The following SRSF3 variants were observed in gnomAD, a reference collection of about 807,000 sequenced individuals.
The protein encoded by SRSF3 is serine/arginine-rich splicing factor 3.
For synonymous variants in SRSF3, 87 were observed against 73.6 expected (o/e 1.18, Z -0.93); for missense variants, 58 against 217.1 (o/e 0.27, Z 4.61).
chr6:36,601,654 TTA>T (rs952901345), intron 4 of SRSF3, 52 bp from the exon 5 acceptor site: 1 of 1,471,786 alleles, frequency 6.8e-7, no homozygotes, highest in African/African-American at 1.4e-5. Context: ...AAGAAAATAT[TTA>T]TGTATAATTT....
chr6:36,596,020 G>T (rs1449374021), intron 1 of SRSF3, among the ~76,000 whole-genome samples: 1 of 152,022 alleles, frequency 6.6e-6, no homozygotes, highest in Non-Finnish European at 1.5e-5. Flanking sequence ...CGCCTCGCGG[G>T]TTCAAGCGAT....
At chr6:36,595,153 G>A (rs1365150928) in intron 1 of SRSF3, among the ~76,000 whole-genome samples, 1 of 152,212 alleles carries the variant, frequency 6.6e-6, no homozygotes, top group Admixed American at 6.5e-5. Context: ...AGAGTAAGAA[G>A]AACGTGGTGT....
Position 36,595,218 on chromosome 6 carries a change from A to G in SRSF3, c.-3+737A>G, listed in dbSNP as rs538138083. Among the ~76,000 whole-genome samples, 4 of 152,274 alleles carry G rather than the reference A, an allele frequency of 2.6e-5. No homozygotes were observed. The South Asian group carries it at 8.3e-4, about 32-fold the overall frequency. On this transcript the variant is annotated intron_variant, in intron 1 of 5. Transcript: ENST00000373715. ...AGTAGATGGTTTTTATGTAATTGAAACTGGTCTACAAGTTTATCAGATTCA... is the reference window on the plus strand; with the variant it reads ...AGTAGATGGTTTTTATGTAATTGAAGCTGGTCTACAAGTTTATCAGATTCA...
chr6:36,594,519 G>A (rs1257163366), intron 1 of SRSF3, 38 bp downstream of exon 1: 1 of 152,300 alleles, frequency 6.6e-6, no homozygotes, highest in Non-Finnish European at 1.5e-5. Context: ...GGTGGAAATG[G>A]AATTTAACAG....
chr6:36,597,069 C>T, intron 2 of SRSF3, 101 bp downstream of exon 2: 1 of 840,474 alleles, frequency 1.2e-6, no homozygotes, highest in Non-Finnish European at 1.9e-6. Context: ...AATCACTGGC[C>T]AATTGTATCT....
intron 3 of SRSF3, 106 bp downstream of exon 3, chr6:36,599,089 G>A (rs930089174): frequency 3.6e-6 from 5 of 1,389,418 alleles, no homozygotes; most frequent in Non-Finnish European, 4.9e-6. Context: ...TGGAAGAATC[G>A]GAGGTTTCTG....
At chr6:36,601,935 G>GTTTTGTTTTTTTTTT in intron 5 of SRSF3, 27 bp from the exon 6 acceptor site, 2 of 1,318,556 alleles carry the variant, frequency 1.5e-6, no homozygotes, top group Non-Finnish European at 1.9e-6. Flanking sequence ...GTAATGTTTT[G>GTTTTGTTTTTTTTTT]TTTTCTTTTT....
rs547538683 is a variant in SRSF3 at position 36,601,943 on chromosome 6, T to G, written c.468-19T>G. 1 of 1,114,570 alleles carries G rather than the reference T, an allele frequency of 9.0e-7. No homozygotes were observed. Among genetic ancestry groups the G allele is most frequent in the South Asian group, 1.6e-5 (1 of 64,322 alleles). The allele number at this position is 1,114,570 out of a possible 1,614,324, so 69.0% of individuals were successfully genotyped here. A position where few individuals can be genotyped will look rare whatever the true frequency, so the allele number is the denominator to read the frequency against. On this transcript the variant is annotated intron_variant, in intron 5 of 5. Coordinates refer to ENST00000373715, the MANE Select transcript of SRSF3 (RefSeq NM_003017.5). ...TACAGATGTAATGTTTTGTTTTCTT[T>G]TTTTTTTTTTTTTTTTAGTCGATCT...
Position 36,601,944 on chromosome 6 carries a change from T to TG in SRSF3, c.468-18_468-17insG, listed in dbSNP as rs772108723. 7.1e-7 allele frequency: 1 copy of TG among 1,413,152 alleles called. No individual in the cohort carries two copies. The highest frequency in any genetic ancestry group is 2.4e-5 in the East Asian group (1 of 41,596). 87.5% of individuals were successfully genotyped at this position (1,413,152 alleles called of 1,614,324 possible). ...ACAGATGTAATGTTTTGTTTTCTTTTTTTTTTTTTTTTTTTAGTCGATCTA... is the reference window on the plus strand; with the variant it reads ...ACAGATGTAATGTTTTGTTTTCTTTTGTTTTTTTTTTTTTTTAGTCGATCTA... On this transcript the variant is annotated splice_polypyrimidine_tract_variant and intron_variant, in intron 5 of 5. Transcript: ENST00000373715.
chr6:36,594,823 CA>C (rs1200113083), intron 1 of SRSF3: 1 of 151,230 alleles, frequency 6.6e-6, no homozygotes, highest in Non-Finnish European at 1.5e-5. Flanking sequence ...GGAAGCTTCT[CA>C]GAATGTTTTT....
At chr6:36,601,048 C>T (rs1392003622) in intron 3 of SRSF3, 104 bp from the exon 4 acceptor site, 8 of 284,988 alleles carry the variant, frequency 2.8e-5, no homozygotes, top group Admixed American at 1.1e-4. Flanking sequence ...GCCAGTTCTT[C>T]GGCACATTCA....
Position 36,601,008 on chromosome 6 carries a change from T to TTTTC in SRSF3, c.342-141_342-140insCTTT, listed in dbSNP as rs1778705560. The TTTTC allele has an allele frequency of 3.8e-5, 11 of 286,448 alleles. 1 individual carries two copies. The highest frequency in any genetic ancestry group is 5.3e-5 in the Non-Finnish European group (9 of 170,916). 17.7% of individuals were successfully genotyped at this position (286,448 alleles called of 1,614,324 possible). On this transcript the variant is annotated intron_variant, in intron 3 of 5. Coordinates refer to ENST00000373715, the MANE Select transcript of SRSF3 (RefSeq NM_003017.5). Reference sequence around the variant, plus strand: ...TTTTCTTTTCTTTTTTTTCTTTTTTTTTTTTTTTTTTTTTTTTTGGACGAT... The same window carrying TTTTC: ...TTTTCTTTTCTTTTTTTTCTTTTTTTTTTCTTTTTTTTTTTTTTTTTTGGACGAT...
Position 36,598,657 on chromosome 6 carries a change from C to T in SRSF3, c.207-192C>T, listed in dbSNP as rs1214312903. The T allele has an allele frequency of 1.7e-5, 10 of 593,578 alleles. No homozygotes were observed. The East Asian group carries it at 2.1e-4, about 13-fold the overall frequency. The allele number at this position is 593,578 out of a possible 1,614,324, so 36.8% of individuals were successfully genotyped here. ...TCGGCCTCATAAAGTGTTGGGATTACAGGCGTGTACCACCGTGCCTGGCCA... is the reference window on the plus strand; with the variant it reads ...TCGGCCTCATAAAGTGTTGGGATTATAGGCGTGTACCACCGTGCCTGGCCA... On this transcript the variant is annotated intron_variant, in intron 2 of 5. Transcript: ENST00000373715.
At chr6:36,596,446 C>T (rs1363009808) in intron 1 of SRSF3, among the ~76,000 whole-genome samples, 2 of 151,668 alleles carry the variant, frequency 1.3e-5, no homozygotes, top group Non-Finnish European at 2.9e-5. Context: ...GGTTAAGTCT[C>T]TTAACTCACG....
intron 4 of SRSF3, 41 bp downstream of exon 4, chr6:36,601,231 AGT>A: frequency 6.2e-7 from 1 of 1,609,678 alleles, no homozygotes; most frequent in Non-Finnish European, 8.5e-7. Flanking sequence ...TAGAAATGGC[AGT>A]GTTTCTGCTA....
At chr6:36,601,027 GGAC>G in intron 3 of SRSF3, 122 bp from the exon 4 acceptor site, 1 of 34,686 alleles carries the variant, frequency 2.9e-5, no homozygotes, top group Non-Finnish European at 5.2e-5. Context: ...TTTTTTTTTT[GGAC>G]GATGGGTGCC....
chr6:36,596,289 T>A (rs1336296045), intron 1 of SRSF3, among the ~76,000 whole-genome samples: 1 of 152,132 alleles, frequency 6.6e-6, no homozygotes. Context: ...AGTTTTGGCT[T>A]ATGTAGGTAC....
intron 2 of SRSF3, chr6:36,597,293 A>G (rs1778646469): frequency 6.4e-6 from 2 of 312,794 alleles, no homozygotes; most frequent in Admixed American, 4.9e-5. Context: ...TCTAGCAGAG[A>G]TGGGGTTTCA....
chr6:36,599,488 A>G (rs1334382417), intron 3 of SRSF3: 3 of 217,258 alleles, frequency 1.4e-5, no homozygotes, highest in South Asian at 6.5e-5. Flanking sequence ...CTGTTCTTCA[A>G]TCCCAAATAG....
Sources: gnomAD v4.1 joint callset for allele counts (sites outside exome capture counted in the v4.1 genomes callset) on GRCh38, gnomAD v4.1.1 for gene constraint, MANE v1.5 for transcripts, NCBI Gene and HGNC (gene_info 2026-07-23, HGNC 2026-07-21) for gene names.